Variants in LRRC49 observed in about 807,000 individuals in gnomAD.
LRRC49 encodes leucine-rich repeat-containing protein 49.
Under a neutral mutation model 83.3 loss-of-function variants are expected in LRRC49, and 50 were observed. The ratio of observed to expected loss-of-function variants is 0.60; its 90% CI spans 0.48 to 0.76. LRRC49 has a LOEUF of 0.76. LRRC49 is among the 30% of genes least tolerant of loss of function. The pLI is 0.00. For missense variants in LRRC49, 704 were observed against 809.1 expected (o/e 0.87, Z 1.58); for synonymous variants, 286 against 283.3 (o/e 1.01, Z -0.10).
chr15:70,894,667 C>T, intron 2 of LRRC49: 1 of 1,264,402 alleles, frequency 7.9e-7, no homozygotes, highest in Non-Finnish European at 1.0e-6. Context: ...CATCACAATT[C>T]AGGTGTGTCC....
At chr15:71,012,779 AC>A (rs1322237128) in intron 13 of LRRC49, 24 bp from the exon 14 acceptor site, 1 of 1,335,652 alleles carries the variant, frequency 7.5e-7, no homozygotes, top group South Asian at 1.2e-5. Flanking sequence ...TCATTTTTTT[AC>A]CCCTTTCTAT....
intron 9 of LRRC49, among the ~76,000 whole-genome samples, chr15:70,973,019 T>C (rs2037069652): frequency 6.6e-6 from 1 of 152,128 alleles, no homozygotes; most frequent in South Asian, 2.1e-4. Context: ...CATCCAGTTT[T>C]GTTCCCTTGC....
intron 8 of LRRC49, among the ~76,000 whole-genome samples, chr15:70,937,701 T>C (rs1262042578): frequency 1.4e-4 from 21 of 152,218 alleles, no homozygotes; most frequent in African/African-American, 4.3e-4. Flanking sequence ...AGACTTGTTT[T>C]AACCCAATCA....
Position 70,979,992 on chromosome 15 carries a change from G to A in LRRC49, c.922-109G>A. On this transcript the variant is annotated intron_variant, in intron 9 of 15. Transcript: ENST00000260382. ...TTCTTTGAGAGTATATTTTCTGCTA[G>A]TAAATACTATGCCTCTCAAGAAGAA... 3.2e-6 allele frequency: 2 copies of A among 617,696 alleles called. 1 individual carries two copies. Among genetic ancestry groups the A allele is most frequent in the South Asian group, 5.0e-5 (2 of 40,388 alleles). 38.3% of individuals were successfully genotyped at this position (617,696 alleles called of 1,614,324 possible). A position where few individuals can be genotyped will look rare whatever the true frequency, so the allele number is the denominator to read the frequency against.
chr15:71,022,390 A>T (rs957764910), intron 14 of LRRC49, among the ~76,000 whole-genome samples: 2 of 152,208 alleles, frequency 1.3e-5, no homozygotes, highest in African/African-American at 4.8e-5. Context: ...AACCAAAAAA[A>T]TAAAATGCAA....
chr15:70,992,777 G>A (rs1003672118), intron 11 of LRRC49, among the ~76,000 whole-genome samples: 1 of 152,224 alleles, frequency 6.6e-6, no homozygotes, highest in Non-Finnish European at 1.5e-5. Flanking sequence ...GCTGTGTGAG[G>A]TGTCAGTCTG....
intron 5 of LRRC49, among the ~76,000 whole-genome samples, chr15:70,909,564 G>A (rs1322344631): frequency 6.6e-6 from 1 of 152,136 alleles, no homozygotes; most frequent in Non-Finnish European, 1.5e-5. Context: ...ACCTGGGCTG[G>A]GCGCGGTGGC....
intron 14 of LRRC49, among the ~76,000 whole-genome samples, chr15:71,033,991 G>A (rs569957349): frequency 2.0e-5 from 3 of 152,110 alleles, no homozygotes; most frequent in South Asian, 4.1e-4. Context: ...ATTTCATGAC[G>A]AAAACATCAA....
chr15:70,934,104 C>G (rs1301617041), intron 7 of LRRC49, among the ~76,000 whole-genome samples: 3 of 152,154 alleles, frequency 2.0e-5, no homozygotes, highest in African/African-American at 7.2e-5. Context: ...CTCTTTGCCT[C>G]TCCTAGATGA....
At position 71,008,595 on chromosome 15, in the gene LRRC49, G is replaced by A. The variant is rs1394328976; in HGVS notation, c.1386G>A (p.Lys462=). Residue 462 remains lysine (K), a synonymous_variant, in exon 12 of 16, where the codon AAG becomes AAA. Coordinates refer to ENST00000260382, the MANE Select transcript of LRRC49 (RefSeq NM_017691.5). ...TCGTCCAAGTGCTTCCTAAACTGAA[G>A]ATTAAGTTTCCTAATTCTCTGGTAA... ...DEIVQVLPKL[K]IKFPNSLHLK... The A allele has an allele frequency of 6.2e-7, 1 of 1,609,542 alleles. No homozygotes were observed. The highest frequency in any genetic ancestry group is 2.2e-5 in the East Asian group (1 of 44,742).
intron 7 of LRRC49, among the ~76,000 whole-genome samples, chr15:70,935,762 CTT>C (rs1402152337): frequency 1.3e-5 from 2 of 152,080 alleles, no homozygotes; most frequent in African/African-American, 4.8e-5. Flanking sequence ...GTATGTAACA[CTT>C]TGAGGATCAG....
intron 9 of LRRC49, among the ~76,000 whole-genome samples, chr15:70,969,242 C>G (rs1242345803): frequency 6.6e-6 from 1 of 152,140 alleles, no homozygotes; most frequent in Non-Finnish European, 1.5e-5. Context: ...AATAGGGAAT[C>G]CTTTACCCAT....
chr15:70,927,390 T>C (rs557775563), intron 7 of LRRC49, among the ~76,000 whole-genome samples: 2 of 152,290 alleles, frequency 1.3e-5, no homozygotes, highest in South Asian at 4.1e-4. Flanking sequence ...GTTTGATATA[T>C]ATATATTGAG....
At chr15:71,007,516 A>G (rs1284759388) in intron 11 of LRRC49, among the ~76,000 whole-genome samples, 1 of 151,878 alleles carries the variant, frequency 6.6e-6, no homozygotes, top group Non-Finnish European at 1.5e-5. Flanking sequence ...TGCAGAAACA[A>G]AAACCATGCT....
intron 7 of LRRC49, among the ~76,000 whole-genome samples, chr15:70,925,550 T>C (rs1361622226): frequency 6.6e-6 from 1 of 152,118 alleles, no homozygotes; most frequent in Admixed American, 6.5e-5. Context: ...TTGGAATAGA[T>C]GAAAGAAATT....
chr15:70,939,916 A>G (rs1287643696), intron 8 of LRRC49, among the ~76,000 whole-genome samples: 1 of 143,558 alleles, frequency 7.0e-6, no homozygotes, highest in East Asian at 2.1e-4. Flanking sequence ...GTTAGTACAT[A>G]TGTTAGTACA....
chr15:70,968,449 G>A (rs1448049597), intron 9 of LRRC49, among the ~76,000 whole-genome samples: 1 of 152,174 alleles, frequency 6.6e-6, no homozygotes, highest in Non-Finnish European at 1.5e-5. Flanking sequence ...ACATACGTAT[G>A]CATGTGTCTT....
rs552327732 is a variant in LRRC49, at chr15:71,023,804, A to G, written c.1703+10891A>G. Among the ~76,000 whole-genome samples the G allele has an allele frequency of 5.3e-5, 8 of 152,308 alleles. 1 individual carries two copies. The South Asian group carries it at 1.7e-3, about 32-fold the overall frequency. On this transcript the variant is annotated intron_variant, in intron 14 of 15. Transcript: ENST00000260382. The stretch of plus-strand genomic sequence containing the variant: ...GTGACCACTCGGCTGGAGACTGCCT[A>G]AGACTACTGAGTTCCTCGGGGGAGA...
chr15:70,894,847 AAC>A (rs2033762785), intron 2 of LRRC49: 1 of 192,230 alleles, frequency 5.2e-6, no homozygotes, highest in Admixed American at 5.8e-5. Context: ...GAAAATGGTA[AAC>A]ACTCAGAAAA....
Sources: allele counts gnomAD v4.1 joint callset (sites outside exome capture counted in the v4.1 genomes callset), GRCh38; gene constraint gnomAD v4.1.1; transcripts MANE v1.5; gene names NCBI Gene and HGNC (gene_info 2026-07-23, HGNC 2026-07-21).